PRKRA: variants seen among roughly 807,000 people sequenced by gnomAD.
PRKRA encodes protein activator of interferon induced protein kinase EIF2AK2.
A neutral mutation model predicts 32.4 loss-of-function variants in PRKRA; 22 were observed. That is an observed-to-expected ratio of 0.68 (90% confidence interval 0.49 to 0.97). The LOEUF is 0.97. Ranked by LOEUF, PRKRA falls within the 50% of genes least tolerant of loss-of-function variation. The pLI, the probability that PRKRA is intolerant of heterozygous loss-of-function variation, is 0.00. For missense variants in PRKRA, 319 were observed against 375.6 expected, an observed-to-expected ratio of 0.85 and a Z score of 1.25; for synonymous variants, 139 against 129.8, an observed-to-expected ratio of 1.07 and a Z score of -0.48.
chr2:178,443,887 G>A (rs1697212305), intron 4 of PRKRA: 1 of 172,292 alleles, frequency 5.8e-6, no homozygotes, highest in South Asian at 1.3e-4. Context: ...CCAAAGGACT[G>A]GCTGAATAAT....
At chr2:178,438,495 C>T (rs1696991088) in intron 6 of PRKRA, among the ~76,000 whole-genome samples, 1 of 152,190 alleles carries the variant, frequency 6.6e-6, no homozygotes, top group Admixed American at 6.5e-5. Context: ...ATTCGCTCCT[C>T]TGACTATTCC....
At chr2:178,436,359 C>G (rs1205457601) in intron 6 of PRKRA, 40 bp from the exon 7 acceptor site, 1 of 943,596 alleles carries the variant, frequency 1.1e-6, no homozygotes, top group Non-Finnish European at 1.5e-6. Flanking sequence ...TTGACTAGGA[C>G]TGGGTTCCAA....
intron 5 of PRKRA, 41 bp from the exon 6 acceptor site, chr2:178,441,745 T>TA: frequency 1.3e-6 from 2 of 1,490,392 alleles, no homozygotes; most frequent in Non-Finnish European, 1.9e-6. Flanking sequence ...GAAAAGAAAT[T>TA]AGTGTCCACA....
chr2:178,432,202 G>T lies in PRKRA; in HGVS notation c.837C>A (p.Ser279Arg). 1 of 1,614,228 alleles carries T rather than the reference G, an allele frequency of 6.2e-7. No individual in the cohort carries two copies. The highest frequency in any genetic ancestry group is 8.5e-7 in the Non-Finnish European group (1 of 1,180,044). Residue 279 changes from serine (S) to arginine (R), a missense_variant, in exon 8 of 8, where the codon AGC becomes AGA. Ser to Arg is a moderately radical substitution (Grantham distance 110). Coordinates refer to ENST00000325748, the MANE Select transcript of PRKRA (RefSeq NM_003690.5). ...CGGAGCCATGACAGACTGTGATGGG[G>T]CTGGTGGACAGTTCAGCAAGACATT... Reference protein sequence around the residue: ...QYQCLAELSTSPITVCHGSGI... With the variant: ...QYQCLAELSTRPITVCHGSGI...
chr2:178,446,899 A>G (rs1697330381), intron 3 of PRKRA, among the ~76,000 whole-genome samples: 1 of 148,260 alleles, frequency 6.7e-6, no homozygotes, highest in Admixed American at 6.8e-5. Context: ...AGGCTGAGGC[A>G]GGAGAATGGC....
Position 178,441,887 on chromosome 2 carries a change from C to CT in PRKRA, c.515-184dup, listed in dbSNP as rs541455452. Reference sequence around the variant, plus strand: ...TATTTTGTTTGTATAGCTATTAATTCTTTTTTTTTTTTTTTTTGAGACGGA... The same window carrying CT: ...TATTTTGTTTGTATAGCTATTAATTCTTTTTTTTTTTTTTTTTTGAGACGGA... On this transcript the variant is annotated intron_variant, in intron 5 of 7. Transcript: ENST00000325748. 0.29 allele frequency among the ~76,000 whole-genome samples: 37,532 copies of CT among 131,648 alleles called. 6,076 individuals are homozygous for CT. Among genetic ancestry groups the CT allele is most frequent in the East Asian group, 0.5 (2,218 of 4,424 alleles). 86.4% of individuals were successfully genotyped at this position (131,648 alleles called of 152,430 possible).
At chr2:178,433,811 A>G (rs1696769811) in intron 7 of PRKRA, 1 of 152,066 alleles carries the variant, frequency 6.6e-6, no homozygotes, top group Non-Finnish European at 1.5e-5. Flanking sequence ...CCTTTGGAGA[A>G]TATCTAGGTT....
chr2:178,449,574 A>G (rs1218841623), intron 2 of PRKRA, among the ~76,000 whole-genome samples: 1 of 152,270 alleles, frequency 6.6e-6, no homozygotes, highest in East Asian at 1.9e-4. Context: ...TCAAGCTCAC[A>G]GACCAAAAGA....
At chr2:178,442,932 T>G (rs116582767) in intron 5 of PRKRA, among the ~76,000 whole-genome samples, 1 of 152,228 alleles carries the variant, frequency 6.6e-6, no homozygotes, top group Non-Finnish European at 1.5e-5. Flanking sequence ...CTAGATAGAA[T>G]AGCTGTTAAA....
intron 7 of PRKRA, among the ~76,000 whole-genome samples, chr2:178,435,282 C>A (rs1696839662): frequency 6.7e-6 from 1 of 148,506 alleles, no homozygotes; most frequent in African/African-American, 2.5e-5. Flanking sequence ...TCTTGGGAGA[C>A]TGAAGCAGGA....
At chr2:178,437,493 A>G (rs1696947598) in intron 6 of PRKRA, among the ~76,000 whole-genome samples, 1 of 152,208 alleles carries the variant, frequency 6.6e-6, no homozygotes, top group Non-Finnish European at 1.5e-5. Flanking sequence ...CGGATCTCCA[A>G]CTGTGAGCTT....
intron 3 of PRKRA, among the ~76,000 whole-genome samples, chr2:178,444,720 G>A (rs1001114014): frequency 4.6e-5 from 7 of 151,848 alleles, no homozygotes; most frequent in Non-Finnish European, 1.0e-4. Flanking sequence ...TACCCCAGTG[G>A]TTTATAATCT....
chr2:178,450,654 A>G, intron 1 of PRKRA: 1 of 1,439,202 alleles, frequency 6.9e-7, no homozygotes, highest in Non-Finnish European at 9.1e-7. Flanking sequence ...GGTAGGAGAG[A>G]TTCTCAACAG....
chr2:178,448,252 A>T (rs1277002105), intron 2 of PRKRA, among the ~76,000 whole-genome samples: 1 of 152,212 alleles, frequency 6.6e-6, no homozygotes, highest in Non-Finnish European at 1.5e-5. Flanking sequence ...AAGCAATCAC[A>T]ATGGCAAATG....
chr2:178,438,963 G>GT (rs1436953394), intron 6 of PRKRA: 1 of 151,860 alleles, frequency 6.6e-6, no homozygotes, highest in Non-Finnish European at 1.5e-5. Context: ...GATTACAGGC[G>GT]TGAGCCACTG....
intron 2 of PRKRA, 76 bp from the exon 3 acceptor site, chr2:178,447,662 A>G (rs967497807): frequency 2.6e-5 from 39 of 1,528,360 alleles, no homozygotes; most frequent in Admixed American, 6.8e-5. Context: ...TTCAATACAC[A>G]AAACAAAGTC....
intron 3 of PRKRA, among the ~76,000 whole-genome samples, chr2:178,445,052 T>G (rs565052673): frequency 3.3e-5 from 5 of 152,318 alleles, no homozygotes; most frequent in African/African-American, 1.2e-4. Flanking sequence ...TAAATACTGT[T>G]TTTTCATCCA....
chr2:178,432,546 C>G (rs531409972), intron 7 of PRKRA, among the ~76,000 whole-genome samples: 1 of 152,194 alleles, frequency 6.6e-6, no homozygotes, highest in Admixed American at 6.5e-5. Context: ...GTGGCTGATT[C>G]CTACACTTAA....
intron 2 of PRKRA, among the ~76,000 whole-genome samples, 170 bp from the exon 3 acceptor site, chr2:178,447,756 T>C (rs1480097607): frequency 1.1e-4 from 16 of 152,236 alleles, no homozygotes; most frequent in Non-Finnish European, 1.5e-5. Context: ...TGTTATATAC[T>C]ACATGGTTAT....
Sources: allele counts gnomAD v4.1 joint callset (sites outside exome capture counted in the v4.1 genomes callset), GRCh38; gene constraint gnomAD v4.1.1; transcripts MANE v1.5; gene names NCBI Gene and HGNC (gene_info 2026-07-23, HGNC 2026-07-21).